The following USP25 variants were observed in gnomAD, a reference collection of about 807,000 sequenced individuals.
The protein encoded by USP25 is ubiquitin specific peptidase 25.
USP25 carries 85 observed loss-of-function variants against 158.5 expected under a neutral mutation model. The ratio of observed to expected loss-of-function variants is 0.54; its 90% confidence interval spans 0.45 to 0.64. The LOEUF (loss-of-function observed/expected upper bound fraction) is 0.64, where lower values mean the gene tolerates loss of function less well. Among genes scored for constraint, USP25 ranks in the 30% least tolerant of loss-of-function variants. The pLI is 0.00. For missense variants in USP25, 1,242 were observed against 1,327.3 expected (o/e 0.94, Z 1.00); for synonymous variants, 464 against 460.4 (o/e 1.01, Z -0.10).
chr21:15,837,770 C>T (rs1345881731), intron 17 of USP25, among the ~76,000 whole-genome samples: 1 of 152,100 alleles, frequency 6.6e-6, no homozygotes, highest in African/African-American at 2.4e-5. Context: ...TTATAAATTT[C>T]TCTAGAGGAA....
At chr21:15,754,227 C>G (rs1414812631) in intron 1 of USP25, among the ~76,000 whole-genome samples, 1 of 152,144 alleles carries the variant, frequency 6.6e-6, no homozygotes, top group Non-Finnish European at 1.5e-5. Context: ...TGTCCTGAGC[C>G]CCAGCATTCC....
At position 15,826,246 on chromosome 21, in the gene USP25, A is replaced by G; in HGVS notation, c.1347A>G (p.Val449=). 1 of 1,614,066 alleles carries G rather than the reference A, an allele frequency of 6.2e-7. No homozygotes were observed. The highest frequency in any genetic ancestry group is 2.2e-5 in the East Asian group (1 of 44,846). Residue 449 remains valine (V), a synonymous_variant, in exon 13 of 26, where the codon GTA becomes GTG. Coordinates refer to ENST00000400183, the MANE Select transcript of USP25 (RefSeq NM_001283041.3). The surrounding 1 kb of genome is among the most constrained non-coding windows in gnomAD (Gnocchi z 4.8). ...CCGGTCCCAAACGATTCCCCTTGGT[A>G]GATGTTCTTCAGTATGCATTGGAAT... ...YGSGPKRFPL[V]DVLQYALEFA...
chr21:15,814,291 C>A (rs944934062), intron 9 of USP25, among the ~76,000 whole-genome samples: 3 of 151,506 alleles, frequency 2.0e-5, no homozygotes, highest in African/African-American at 7.3e-5. Flanking sequence ...TTTTTCTTCC[C>A]AGCCTTGCCT....
Position 15,811,158 on chromosome 21 carries a change from C to A in USP25, c.879C>A (p.Asn293Lys). ...EEETDEEKPK[N>K]PMVELFYGRF... is the part of the protein sequence containing the mutation. ...TTAGGGATGAAGAGAAGCCAAAGAA[C>A]CCCATGGTAGAGTTGTTCTATGGCA... Residue 293 changes from asparagine (N) to lysine (K), a missense_variant, in exon 9 of 26, where the codon AAC becomes AAA. Asn to Lys is a moderately conservative substitution (Grantham distance 94, BLOSUM62 0). This residue lies in a region of USP25 where 627 missense variants were observed against 701.4 expected (regional missense o/e 0.89). Transcript: ENST00000400183. The A allele has an allele frequency of 6.2e-7, 1 of 1,612,314 alleles. No homozygotes were observed. Among genetic ancestry groups the A allele is most frequent in the Non-Finnish European group, 8.5e-7 (1 of 1,179,318 alleles).
chr21:15,775,784 C>T (rs17275497), intron 3 of USP25, among the ~76,000 whole-genome samples: 13,192 of 134,962 alleles, frequency 0.098, 855 homozygotes, highest in South Asian at 0.18. Context: ...TTCCATGTCT[C>T]GTGTTAGTGC....
chr21:15,869,372 ATT>A (rs2146582613), intron 22 of USP25, among the ~76,000 whole-genome samples: 1 of 152,246 alleles, frequency 6.6e-6, no homozygotes, highest in African/African-American at 2.4e-5. Context: ...TCACTTTCCA[ATT>A]TATCCTACAT....
At chr21:15,871,637 G>T (rs1213039692) in intron 23 of USP25, among the ~76,000 whole-genome samples, 1 of 152,134 alleles carries the variant, frequency 6.6e-6, no homozygotes, top group Non-Finnish European at 1.5e-5. Context: ...GATAGCTTCT[G>T]TATTAGTTGT....
chr21:15,840,675 G>A (rs1303636783), intron 17 of USP25, among the ~76,000 whole-genome samples: 1 of 152,074 alleles, frequency 6.6e-6, no homozygotes, highest in Non-Finnish European at 1.5e-5. Context: ...GGAAACCTTG[G>A]CCCTGGTGAC....
chr21:15,828,273 TAATC>T (rs1361747570), intron 14 of USP25, among the ~76,000 whole-genome samples: 1 of 152,196 alleles, frequency 6.6e-6, no homozygotes, highest in African/African-American at 2.4e-5. Flanking sequence ...TAACAAACAT[TAATC>T]AAGCAAATAG....
chr21:15,848,441 T>G (rs2038729628), intron 19 of USP25, among the ~76,000 whole-genome samples: 1 of 152,142 alleles, frequency 6.6e-6, no homozygotes, highest in Non-Finnish European at 1.5e-5. Context: ...TTTTCTCCCC[T>G]TTTCCACTTT....
In USP25 at chr21:15,824,983, G is replaced by C; in HGVS notation, c.1226G>C (p.Arg409Thr). Residue 409 changes from arginine (R) to threonine (T), a missense_variant, in exon 12 of 26, where the codon AGA becomes ACA. This residue lies in a region of USP25 where 627 missense variants were observed against 701.4 expected (regional missense o/e 0.89). Coordinates refer to ENST00000400183, the MANE Select transcript of USP25 (RefSeq NM_001283041.3). The stretch of plus-strand genomic sequence containing the variant: ...TCTGATAGATACATGCACAGAAACA[G>C]AGAAATAACAAGAATTAAGAGGGAA... ...LYLDRYMHRN[R>T]EITRIKREEI... is the part of the protein sequence containing the mutation. 6.2e-7 allele frequency: 1 copy of C among 1,610,936 alleles called. No individual in the cohort carries two copies. The highest frequency in any genetic ancestry group is 2.2e-5 in the East Asian group (1 of 44,660).
intron 17 of USP25, among the ~76,000 whole-genome samples, chr21:15,840,496 G>T (rs779444604): frequency 5.3e-5 from 8 of 151,912 alleles, no homozygotes; most frequent in Non-Finnish European, 1.0e-4. Context: ...AATCTCCCAG[G>T]GTGTCAAATA....
At chr21:15,844,575 T>C (rs2038491490) in intron 18 of USP25, among the ~76,000 whole-genome samples, 1 of 151,998 alleles carries the variant, frequency 6.6e-6, no homozygotes, top group South Asian at 2.1e-4. Context: ...ATAAGAAAAA[T>C]TTCCTGGAAA....
At chr21:15,857,053 C>T (rs144393026) in intron 20 of USP25, among the ~76,000 whole-genome samples, 23 of 152,292 alleles carry the variant, frequency 1.5e-4, no homozygotes, top group African/African-American at 5.5e-4. Flanking sequence ...CTAGCTGTTA[C>T]CAGCAAGGTC....
chr21:15,818,869 C>T, intron 10 of USP25, 23 bp downstream of exon 10: 1 of 1,610,924 alleles, frequency 6.2e-7, no homozygotes, highest in Non-Finnish European at 8.5e-7. Context: ...TTTTCATTGT[C>T]CCCTTTCTTC....
At chr21:15,750,870 C>T (rs988642709) in intron 1 of USP25, among the ~76,000 whole-genome samples, 3 of 149,918 alleles carry the variant, frequency 2.0e-5, no homozygotes, top group Non-Finnish European at 4.5e-5. Flanking sequence ...CCTCCGCCTC[C>T]GCCTCCCAAA....
chr21:15,849,553 A>G (rs2038789297), intron 19 of USP25, among the ~76,000 whole-genome samples: 1 of 152,162 alleles, frequency 6.6e-6, no homozygotes, highest in Non-Finnish European at 1.5e-5. Context: ...TCTCCAATTC[A>G]GAGAGGATGC....
rs75254340 is a variant in USP25, at chr21:15,751,329, A to C, written c.46-11562A>C. Among the ~76,000 whole-genome samples the C allele has an allele frequency of 9.4e-3, 1,436 of 152,342 alleles. 19 individuals carry two copies. The highest frequency in any genetic ancestry group is 0.033 in the African/African-American group (1,368 of 41,572). ...GAGTTTCCAAGAGACCATAGGACAT[A>C]TTATATAAGTAATTAGCATGACCAA... On this transcript the variant is annotated intron_variant, in intron 1 of 25. Coordinates refer to ENST00000400183, the MANE Select transcript of USP25 (RefSeq NM_001283041.3).
At chr21:15,748,435 T>A (rs889367229) in intron 1 of USP25, among the ~76,000 whole-genome samples, 1 of 146,492 alleles carries the variant, frequency 6.8e-6, no homozygotes, top group African/African-American at 2.5e-5. Context: ...GTGTGTACCA[T>A]CCACCCAGCT....
Sources: allele counts gnomAD v4.1 joint callset (sites outside exome capture counted in the v4.1 genomes callset), GRCh38; gene constraint gnomAD v4.1.1; regional missense constraint gnomAD v4.1.1; non-coding constraint Gnocchi (gnomAD v3.1); transcripts MANE v1.5; gene names NCBI Gene and HGNC (gene_info 2026-07-23, HGNC 2026-07-21).